Variants in LSM1 observed in about 807,000 individuals in gnomAD.
LSM1 encodes LSM1 homolog, mRNA degradation associated, also known as U6 snRNA-associated Sm-like protein LSm1.
A neutral mutation model predicts 18.0 loss-of-function variants in LSM1; 13 were observed. The ratio of observed to expected loss-of-function variants is 0.72; its 90% CI spans 0.47 to 1.15. The LOEUF (loss-of-function observed/expected upper bound fraction) is 1.15, where lower values mean the gene tolerates loss of function less well. LSM1 is among the 50% of genes most tolerant of loss of function. The probability of loss-of-function intolerance (pLI) is 0.00; values close to 1 mark genes in which losing one functional copy is unlikely to be tolerated. For missense variants in LSM1, 152 were observed against 157.7 expected (o/e 0.96, Z 0.19); for synonymous variants, 46 against 56.0 (o/e 0.82, Z 0.80).
chr8:38,175,973 G>A (rs903971949), intron 1 of LSM1: 1 of 324,474 alleles, frequency 3.1e-6, no homozygotes, highest in Non-Finnish European at 5.7e-6. Flanking sequence ...CCCTCCCCGG[G>A]CTTCTTTCGT....
At chr8:38,170,998 A>G in intron 2 of LSM1, 1 of 439,614 alleles carries the variant, frequency 2.3e-6, no homozygotes, top group Non-Finnish European at 4.6e-6. Flanking sequence ...AAATGTTAGC[A>G]TGAACATGAA....
At chr8:38,173,376 CG>C (rs113729750) in intron 1 of LSM1, among the ~76,000 whole-genome samples, 25 of 115,004 alleles carry the variant, frequency 2.2e-4, no homozygotes, top group African/African-American at 4.4e-4. Flanking sequence ...AGGAAGGGGG[CG>C]GGGGGGGAGA....
intron 2 of LSM1, among the ~76,000 whole-genome samples, chr8:38,171,285 C>T (rs1219357101): frequency 6.6e-6 from 1 of 152,230 alleles, no homozygotes; most frequent in Non-Finnish European, 1.5e-5. Context: ...ATAATCTCAG[C>T]ACTATGGGAG....
At chr8:38,170,105 C>T (rs1802999316) in intron 2 of LSM1, among the ~76,000 whole-genome samples, 188 bp from the exon 3 acceptor site, 1 of 152,148 alleles carries the variant, frequency 6.6e-6, no homozygotes, top group African/African-American at 2.4e-5. Flanking sequence ...GCAGTGGCGC[C>T]ATCTCAGCTC....
intron 3 of LSM1, 62 bp from the exon 4 acceptor site, chr8:38,163,902 A>C: frequency 3.8e-4 from 527 of 1,370,242 alleles, no homozygotes; most frequent in Non-Finnish European, 5.0e-4. Flanking sequence ...CACAGATCTC[A>C]AGGCAAATGG....
At position 38,163,520 on chromosome 8, in the gene LSM1, T is replaced by G. The variant is rs1802876714; in HGVS notation, c.*150A>C. On this transcript the variant is annotated 3_prime_UTR_variant, in exon 4 of 4. Coordinates refer to ENST00000311351, the MANE Select transcript of LSM1 (RefSeq NM_014462.3). Reference sequence around the variant, plus strand: ...AAAAAAAAAACCCACCTACACGATTTCTTCATGTTGCATATGTAAAATAAT... The same window carrying G: ...AAAAAAAAAACCCACCTACACGATTGCTTCATGTTGCATATGTAAAATAAT... 4.6e-6 allele frequency: 3 copies of G among 648,076 alleles called. No homozygotes were observed. In the East Asian group the frequency reaches 8.3e-5, roughly 18 times the overall value. The allele number at this position is 648,076 out of a possible 1,614,324, so 40.1% of individuals were successfully genotyped here.
chr8:38,168,001 G>A (rs530660902), intron 3 of LSM1, among the ~76,000 whole-genome samples: 4 of 149,676 alleles, frequency 2.7e-5, no homozygotes, highest in South Asian at 2.1e-4. Flanking sequence ...TTGCTCTGTC[G>A]CCCAGGCTGG....
chr8:38,176,508 C>G, upstream of LSM1: 1 of 586,752 alleles, frequency 1.7e-6, no homozygotes, highest in Admixed American at 3.1e-5. Flanking sequence ...TTACCCACTT[C>G]CTGTAACACG....
chr8:38,176,015 G>T (rs1157965518), intron 1 of LSM1: 5 of 404,532 alleles, frequency 1.2e-5, no homozygotes, highest in Non-Finnish European at 2.2e-5. Flanking sequence ...ATCCACGGAA[G>T]CAAGAATGAG....
chr8:38,164,270 G>A (rs1802890882), intron 3 of LSM1, among the ~76,000 whole-genome samples: 1 of 152,116 alleles, frequency 6.6e-6, no homozygotes, highest in Non-Finnish European at 1.5e-5. Context: ...GGTCAGGCTG[G>A]TCTCGAAACC....
Position 38,163,654 on chromosome 8 carries a change from G to T in LSM1, c.*16C>A, listed in dbSNP as rs764644449. The T allele has an allele frequency of 3.7e-6, 6 of 1,612,926 alleles. No individual in the cohort carries two copies. In the African/African-American group the frequency reaches 8.0e-5, roughly 22 times the overall value. On this transcript the variant is annotated 3_prime_UTR_variant, in exon 4 of 4. Transcript: ENST00000311351. Reference sequence around the variant, plus strand: ...AGCCCCTACTCTTCAAGAGCCAACAGCCTCTGGGCAAAAGATTAGTACTCA... The same window carrying T: ...AGCCCCTACTCTTCAAGAGCCAACATCCTCTGGGCAAAAGATTAGTACTCA...
rs755027535 is a variant in LSM1 at position 38,163,755 on chromosome 8, T to A, written c.317A>T (p.Lys106Met). 1.2e-6 allele frequency: 2 copies of A among 1,614,170 alleles called. No homozygotes were observed. Among genetic ancestry groups the A allele is most frequent in the East Asian group, 2.2e-5 (1 of 44,878 alleles). Residue 106 changes from lysine to methionine, a missense_variant, in exon 4 of 4, where the codon AAG becomes ATG. Coordinates refer to ENST00000311351, the MANE Select transcript of LSM1 (RefSeq NM_014462.3). The part of the protein sequence containing the change: ...LEEQRVEQQT[K>M]LEAEKLKVQA... ...CACTTTCAACTTCTCTGCTTCCAGC[T>A]TGGTCTGCTGTTCCACCCTTTGTTC...
At chr8:38,164,578 T>C (rs1488555924) in intron 3 of LSM1, among the ~76,000 whole-genome samples, 2 of 151,470 alleles carry the variant, frequency 1.3e-5, no homozygotes, top group African/African-American at 2.4e-5. Context: ...TCCCAGCACT[T>C]TGGGAGGCTG....
chr8:38,169,358 T>C (rs923099739), intron 3 of LSM1, among the ~76,000 whole-genome samples: 1 of 152,132 alleles, frequency 6.6e-6, no homozygotes, highest in Non-Finnish European at 1.5e-5. Context: ...CTGAACTCCA[T>C]TCTCGGGATA....
At chr8:38,168,270 C>G (rs1411821108) in intron 3 of LSM1, among the ~76,000 whole-genome samples, 1 of 150,754 alleles carries the variant, frequency 6.6e-6, no homozygotes, top group Non-Finnish European at 1.5e-5. Flanking sequence ...CTTGTTTCAG[C>G]CTTTATGCGA....
At chr8:38,172,202 A>G (rs1803042791) in intron 1 of LSM1, among the ~76,000 whole-genome samples, 169 bp from the exon 2 acceptor site, 1 of 152,040 alleles carries the variant, frequency 6.6e-6, no homozygotes, top group Non-Finnish European at 1.5e-5. Flanking sequence ...GGATTTAGAT[A>G]ACATCAGTAG....
chr8:38,176,562 A>G (rs1010054294), upstream of LSM1: 1 of 577,094 alleles, frequency 1.7e-6, no homozygotes, highest in Non-Finnish European at 3.1e-6. Context: ...CCGTTGGGGG[A>G]CACCCTTTCC....
upstream of LSM1, chr8:38,176,561 G>A (rs1461448386): frequency 6.9e-6 from 4 of 579,584 alleles, no homozygotes; most frequent in Admixed American, 3.1e-5. Context: ...ACCGTTGGGG[G>A]ACACCCTTTC....
chr8:38,163,725 G>T lies in LSM1; in HGVS notation c.347C>A (p.Ala116Asp). 2 of 1,614,140 alleles carry T rather than the reference G, an allele frequency of 1.2e-6. No individual in the cohort carries two copies. The highest frequency in any genetic ancestry group is 1.7e-6 in the Non-Finnish European group (2 of 1,180,004). Residue 116 changes from alanine (A) to aspartate (D), a missense_variant, in exon 4 of 4, where the codon GCC becomes GAC. By Grantham distance (126) the Ala-to-Asp change is moderately radical. Coordinates refer to ENST00000311351, the MANE Select transcript of LSM1 (RefSeq NM_014462.3). The part of the protein sequence containing the change: ...KLEAEKLKVQ[A>D]LKDRGLSIPR... ...AATGGAAAGACCTCGGTCCTTCAGGGCCTGCACTTTCAACTTCTCTGCTTC... is the reference window on the plus strand; with the variant it reads ...AATGGAAAGACCTCGGTCCTTCAGGTCCTGCACTTTCAACTTCTCTGCTTC...
Sources: allele counts gnomAD v4.1 joint callset (sites outside exome capture counted in the v4.1 genomes callset), GRCh38; gene constraint gnomAD v4.1.1; transcripts MANE v1.5; gene names NCBI Gene and HGNC (gene_info 2026-07-23, HGNC 2026-07-21).